OPN1MW: variants seen among roughly 807,000 people sequenced by gnomAD.
The protein encoded by OPN1MW is medium-wave-sensitive opsin 1.
In OPN1MW, 1 loss-of-function variant was observed where a neutral mutation model predicts 7.6. The observed-to-expected ratio is 0.13, with a 90% CI of 0.05 to 0.62. OPN1MW has a LOEUF of 0.62. Among genes scored for constraint, OPN1MW ranks in the 20% least tolerant of loss-of-function variants. The probability of loss-of-function intolerance (pLI) is 0.87; values close to 1 mark genes in which losing one functional copy is unlikely to be tolerated. For missense variants in OPN1MW, 16 were observed against 122.7 expected (o/e 0.13, Z 4.11); for synonymous variants, 11 against 51.7 (o/e 0.21, Z 3.38).
At chrX:154,186,480 C>T (rs1257355694) in intron 1 of OPN1MW, among the ~76,000 whole-genome samples, 1 of 99,332 alleles carries the variant, frequency 1.0e-5, no homozygotes, top group Non-Finnish European at 2.1e-5. Flanking sequence ...AAAAAAATTG[C>T]CATTGTGGTA....
At position 154,193,545 on chromosome X, in the gene OPN1MW, C is replaced by T; in HGVS notation, c.882C>T (p.Asn294=). 9.6e-7 allele frequency: 1 copy of T among 1,040,903 alleles called. No individual in the cohort carries two copies. The highest frequency in any genetic ancestry group is 1.3e-6 in the Non-Finnish European group (1 of 785,503). 85.8% of individuals were successfully genotyped at this position (1,040,903 alleles called of 1,213,427 possible). A position where few individuals can be genotyped will look rare whatever the true frequency, so the allele number is the denominator to read the frequency against. The part of the protein sequence containing the change: ...YAFFACFAAA[N]PGYPFHPLMA... ...TCTTCGCATGCTTTGCTGCTGCCAA[C>T]CCTGGCTACCCCTTCCACCCTTTGA... Residue 294 remains asparagine (N), a synonymous_variant, in exon 5 of 6, where the codon AAC becomes AAT. Coordinates refer to ENST00000595290, the MANE Select transcript of OPN1MW (RefSeq NM_000513.2).
In OPN1MW at chrX:154,191,788, T is replaced by G; in HGVS notation, c.679T>G (p.Cys227Gly). 2.1e-5 allele frequency: 1 copy of G among 48,123 alleles called. No homozygotes were observed. The highest frequency in any genetic ancestry group is 3.5e-5 in the Non-Finnish European group (1 of 28,229). 4.0% of individuals were successfully genotyped at this position (48,123 alleles called of 1,213,427 possible). Residue 227 changes from cysteine (C) to glycine (G), a missense_variant, in exon 4 of 6, where the codon TGC (cysteine) becomes GGC (glycine). By Grantham distance (159) the Cys-to-Gly change is radical. Transcript: ENST00000595290. The part of the protein sequence containing the change: ...QSYMIVLMVT[C>G]CITPLSIIVL... ...TTACATGATTGTCCTCATGGTCACC[T>G]GCTGCATCACCCCACTCAGCATCAT...
At chrX:154,191,194 C>T (rs1332173588) in intron 3 of OPN1MW, among the ~76,000 whole-genome samples, 2 of 78,367 alleles carry the variant, frequency 2.6e-5, no homozygotes, top group South Asian at 7.7e-4. Context: ...GATCCTCCTA[C>T]CTCAGCCTCC....
At chrX:154,186,625 C>A (rs1603346611) in intron 1 of OPN1MW, among the ~76,000 whole-genome samples, 1 of 93,008 alleles carries the variant, frequency 1.1e-5, no homozygotes, top group Non-Finnish European at 2.2e-5. Context: ...GCCTGGGTGA[C>A]AGAGCAAGAC....
Position 154,193,536 on chromosome X carries a change from T to C in OPN1MW, c.873T>C (p.Ala291=), listed in dbSNP as rs1557159436. The C allele has an allele frequency of 2.9e-6, 3 of 1,034,054 alleles. No homozygotes were observed. The highest frequency in any genetic ancestry group is 4.0e-5 in the South Asian group (2 of 49,996). 85.2% of individuals were successfully genotyped at this position (1,034,054 alleles called of 1,213,427 possible). The change falls in exon 5 of 6, where the codon GCT becomes GCC. Residue 291 remains alanine (A), a synonymous_variant. Transcript: ENST00000595290. ...CATACGCCTTCTTCGCATGCTTTGC[T>C]GCTGCCAACCCTGGCTACCCCTTCC... ...WGPYAFFACF[A]AANPGYPFHP...
chrX:154,191,288 G>A (rs1308954266), intron 3 of OPN1MW, among the ~76,000 whole-genome samples: 1 of 95,291 alleles, frequency 1.0e-5, no homozygotes, highest in Non-Finnish European at 2.2e-5. Flanking sequence ...CTGTGTTCCA[G>A]GCTAGTCTTG....
intron 3 of OPN1MW, among the ~76,000 whole-genome samples, chrX:154,191,252 T>A (rs1417829219): frequency 4.3e-5 from 4 of 93,135 alleles, no homozygotes; most frequent in African/African-American, 1.4e-4. Context: ...CTAATTTTTT[T>A]TATTTTTTGT....
Position 154,193,525 on chromosome X carries a change from G to A in OPN1MW, c.862G>A (p.Ala288Thr), listed in dbSNP as rs782096753. 3.4e-5 allele frequency: 35 copies of A among 1,031,600 alleles called. 5 individuals carry two copies. The highest frequency in any genetic ancestry group is 5.8e-5 in the Admixed American group (2 of 34,290). 85.0% of individuals were successfully genotyped at this position (1,031,600 alleles called of 1,213,427 possible). A position where few individuals can be genotyped will look rare whatever the true frequency, so the allele number is the denominator to read the frequency against. The change falls in exon 5 of 6, where the codon GCA (alanine) becomes ACA (threonine). Residue 288 changes from alanine to threonine, a missense_variant. Coordinates refer to ENST00000595290, the MANE Select transcript of OPN1MW (RefSeq NM_000513.2). ...CTGCTGGGGACCATACGCCTTCTTC[G>A]CATGCTTTGCTGCTGCCAACCCTGG... ...CFCWGPYAFF[A>T]CFAAANPGYP...
chrX:154,193,704 A>G lies in OPN1MW; in HGVS notation c.984+57A>G, dbSNP rs2060494302. On this transcript the variant is annotated intron_variant, in intron 5 of 5. Transcript: ENST00000595290. ...AATACCGTGTGCCCTAGAAGGGTGCAGTGATGGCCCCACCTGGAATCATGT... is the reference window on the plus strand; with the variant it reads ...AATACCGTGTGCCCTAGAAGGGTGCGGTGATGGCCCCACCTGGAATCATGT... 10 of 1,047,181 alleles carry G rather than the reference A, an allele frequency of 9.5e-6. No individual in the cohort carries two copies. The South Asian group carries it at 1.8e-4, about 19-fold the overall frequency. 86.3% of individuals were successfully genotyped at this position (1,047,181 alleles called of 1,213,427 possible).
chrX:154,186,468 T>TA (rs1238161354), intron 1 of OPN1MW, among the ~76,000 whole-genome samples: 4 of 96,980 alleles, frequency 4.1e-5, no homozygotes, highest in African/African-American at 7.3e-5. Flanking sequence ...TCTACAGAAA[T>TA]AAAAAAAATT....
chrX:154,194,027 GC>G, intron 5 of OPN1MW, among the ~76,000 whole-genome samples: 1 of 63,824 alleles, frequency 1.6e-5, no homozygotes, highest in Non-Finnish European at 2.9e-5. Flanking sequence ...CCCTAGGTGT[GC>G]CCCTCTTCTG....
rs1435780295 is a variant in OPN1MW, at chrX:154,191,343, G to A, written c.579-345G>A. Reference sequence around the variant, plus strand: ...TCCTCCTACCTCTGCCTCCAAATGTGCTGGGACTATAGGCGTGAGCCATTG... The same window carrying A: ...TCCTCCTACCTCTGCCTCCAAATGTACTGGGACTATAGGCGTGAGCCATTG... On this transcript the variant is annotated intron_variant, in intron 3 of 5. Coordinates refer to ENST00000595290, the MANE Select transcript of OPN1MW (RefSeq NM_000513.2). Among the ~76,000 whole-genome samples, 33 of 84,442 alleles carry A rather than the reference G, an allele frequency of 3.9e-4. 1 individual carries two copies. Among genetic ancestry groups the A allele is most frequent in the African/African-American group, 1.2e-3 (31 of 26,461 alleles). The allele number at this position is 84,442 out of a possible 115,157, so 73.3% of individuals were successfully genotyped here. A position where few individuals can be genotyped will look rare whatever the true frequency, so the allele number is the denominator to read the frequency against.
intron 1 of OPN1MW, among the ~76,000 whole-genome samples, chrX:154,186,610 C>T (rs1323506472): frequency 9.6e-6 from 1 of 103,643 alleles, no homozygotes; most frequent in Non-Finnish European, 2.0e-5. Flanking sequence ...TGCCACTGTA[C>T]TCCAGCCTGG....
At chrX:154,191,311 C>G (rs1370344769) in intron 3 of OPN1MW, among the ~76,000 whole-genome samples, 4 of 92,053 alleles carry the variant, frequency 4.3e-5, no homozygotes, top group Non-Finnish European at 9.1e-5. Context: ...CTCCTGGGCT[C>G]GAGCAATCCT....
chrX:154,186,891 T>TA (rs1172830016), intron 1 of OPN1MW, among the ~76,000 whole-genome samples: 1 of 44,777 alleles, frequency 2.2e-5, no homozygotes, highest in Non-Finnish European at 4.7e-5. Flanking sequence ...TTGTTTTAAT[T>TA]AAAAAAAAAT....
chrX:154,193,761 G>A (rs1373602536), intron 5 of OPN1MW, 114 bp downstream of exon 5: 1 of 563,231 alleles, frequency 1.8e-6, no homozygotes, highest in African/African-American at 3.5e-5. Context: ...GCATCTGGGG[G>A]ACCCTCCAGG....
intron 3 of OPN1MW, among the ~76,000 whole-genome samples, chrX:154,191,314 G>A (rs2067114406): frequency 1.1e-5 from 1 of 91,562 alleles, no homozygotes; most frequent in Admixed American, 1.4e-4. Context: ...CTGGGCTCGA[G>A]CAATCCTCCT....
At chrX:154,191,252 T>C (rs1417829219) in intron 3 of OPN1MW, among the ~76,000 whole-genome samples, 2 of 93,135 alleles carry the variant, frequency 2.1e-5, no homozygotes, top group African/African-American at 3.5e-5. Flanking sequence ...CTAATTTTTT[T>C]TATTTTTTGT....
At chrX:154,186,567 C>G (rs1188889256) in intron 1 of OPN1MW, among the ~76,000 whole-genome samples, 1 of 104,477 alleles carries the variant, frequency 9.6e-6, no homozygotes, top group Non-Finnish European at 2.0e-5. Flanking sequence ...TCGCTTGAGC[C>G]CAGGAGTTCC....
Sources: gnomAD v4.1 joint callset for allele counts (sites outside exome capture counted in the v4.1 genomes callset) on GRCh38, gnomAD v4.1.1 for gene constraint, MANE v1.5 for transcripts, NCBI Gene and HGNC (gene_info 2026-07-23, HGNC 2026-07-21) for gene names.